Variants in RBFOX1 observed in about 807,000 individuals in gnomAD.
RBFOX1 encodes the protein RNA binding protein fox-1 homolog 1.
RBFOX1 carries 8 observed loss-of-function variants against 57.7 expected under a neutral mutation model. The ratio of observed to expected loss-of-function variants is 0.14; its 90% CI spans 0.08 to 0.25. RBFOX1 has a LOEUF of 0.25. Ranked by LOEUF, RBFOX1 falls within the 10% of genes least tolerant of loss-of-function variation. The pLI is 1.00. For missense variants in RBFOX1, 611 were observed against 548.5 expected (o/e 1.11, Z -1.14); for synonymous variants, 326 against 222.4 (o/e 1.47, Z -4.15).
chr16:5,374,192 C>T (rs2065930454), intron 1 of RBFOX1, among the ~76,000 whole-genome samples: 1 of 152,252 alleles, frequency 6.6e-6, no homozygotes, highest in South Asian at 2.1e-4. Context: ...CCCACCTCGG[C>T]CTTCCAAAGT....
At chr16:6,744,614 T>C (rs1000780980) in intron 3 of RBFOX1, among the ~76,000 whole-genome samples, 18 of 151,968 alleles carry the variant, frequency 1.2e-4, no homozygotes, top group Admixed American at 7.2e-4. Context: ...AGAGAAAATC[T>C]AAATGGAAGT....
chr16:7,594,541 A>T lies in RBFOX1; in HGVS notation c.469-1008A>T, dbSNP rs144189698. ...GTACTTAGGAACAATGTCAGTGAAG[A>T]CAAAATACGGATTTTGACAATATAG... On this transcript the variant is annotated intron_variant, in intron 7 of 15. Transcript: ENST00000550418. 2.6e-3 allele frequency among the ~76,000 whole-genome samples: 394 copies of T among 152,356 alleles called. 1 individual carries two copies. The highest frequency in any genetic ancestry group is 9.1e-3 in the African/African-American group (380 of 41,578).
intron 1 of RBFOX1, among the ~76,000 whole-genome samples, chr16:6,306,216 A>T (rs1182056876): frequency 6.6e-6 from 1 of 152,134 alleles, no homozygotes; most frequent in Non-Finnish European, 1.5e-5. Flanking sequence ...ATGCAATGAC[A>T]AGGGAACCTG....
chr16:6,813,212 G>T (rs181866196), intron 3 of RBFOX1, among the ~76,000 whole-genome samples: 13 of 152,140 alleles, frequency 8.5e-5, no homozygotes, highest in Admixed American at 7.8e-4. Context: ...AGGATGATTG[G>T]CTAATTACTG....
chr16:5,830,650 T>C (rs957990918), intron 3 of RBFOX1, among the ~76,000 whole-genome samples: 4 of 152,144 alleles, frequency 2.6e-5, no homozygotes, highest in African/African-American at 9.7e-5. Flanking sequence ...GCAGCTAGGA[T>C]GATCTTTGAG....
chr16:6,442,059 C>A (rs1344086111), intron 2 of RBFOX1, among the ~76,000 whole-genome samples: 1 of 152,158 alleles, frequency 6.6e-6, no homozygotes, highest in Non-Finnish European at 1.5e-5. Context: ...TTCTTCCAAG[C>A]CCTTAACTCT....
intron 1 of RBFOX1, among the ~76,000 whole-genome samples, chr16:5,257,274 C>G (rs1228167379): frequency 6.6e-6 from 1 of 152,190 alleles, no homozygotes; most frequent in African/African-American, 2.4e-5. Flanking sequence ...ATCTTTACAA[C>G]TAAGACAGCT....
At chr16:6,858,958 G>T (rs1006576762) in intron 3 of RBFOX1, among the ~76,000 whole-genome samples, 2 of 151,408 alleles carry the variant, frequency 1.3e-5, no homozygotes, top group African/African-American at 2.4e-5. Flanking sequence ...GTCAATCAAA[G>T]GTAGGTAAAA....
At chr16:6,619,865 C>G (rs577181508) in intron 2 of RBFOX1, among the ~76,000 whole-genome samples, 4 of 152,222 alleles carry the variant, frequency 2.6e-5, no homozygotes, top group African/African-American at 7.2e-5. Flanking sequence ...CTCCCACCCT[C>G]CACCCTACAA....
intron 1 of RBFOX1, among the ~76,000 whole-genome samples, chr16:6,197,733 C>T (rs761236916): frequency 5.9e-5 from 9 of 151,316 alleles, no homozygotes; most frequent in Non-Finnish European, 1.0e-4. Flanking sequence ...CAGATTATTG[C>T]GTCACCCAGG....
chr16:7,117,303 A>T (rs931350255), intron 4 of RBFOX1, among the ~76,000 whole-genome samples: 3 of 152,088 alleles, frequency 2.0e-5, no homozygotes, highest in African/African-American at 7.2e-5. Flanking sequence ...TAATTAGAAA[A>T]TTTTCAGAAT....
intron 3 of RBFOX1, among the ~76,000 whole-genome samples, chr16:5,707,838 G>A (rs980455575): frequency 5.3e-5 from 8 of 152,216 alleles, no homozygotes; most frequent in Non-Finnish European, 1.0e-4. Flanking sequence ...AGGAAGTAGA[G>A]TAGTAGTTAA....
In RBFOX1 at chr16:6,133,679, C is replaced by T. The variant is rs117047074; in HGVS notation, c.-127+113687C>T. 1.2e-3 allele frequency among the ~76,000 whole-genome samples: 181 copies of T among 152,244 alleles called. 1 individual carries two copies. The East Asian group carries it at 0.023, about 20-fold the overall frequency. ...ATAAAGGCCCAAGTCTTTAATGTGCCACATAGGACGCCATCTCTGCATCCT... is the reference window on the plus strand; with the variant it reads ...ATAAAGGCCCAAGTCTTTAATGTGCTACATAGGACGCCATCTCTGCATCCT... On this transcript the variant is annotated intron_variant, in intron 1 of 15. Transcript: ENST00000550418.
intron 4 of RBFOX1, among the ~76,000 whole-genome samples, chr16:7,092,158 A>G (rs546586016): frequency 6.6e-6 from 1 of 152,226 alleles, no homozygotes; most frequent in Admixed American, 6.5e-5. Flanking sequence ...TCTTTTCTCA[A>G]TTTGAATATA....
chr16:5,347,609 C>T (rs937390114), intron 1 of RBFOX1, among the ~76,000 whole-genome samples: 2 of 149,050 alleles, frequency 1.3e-5, no homozygotes, highest in Admixed American at 6.7e-5. Flanking sequence ...CCCACCCATG[C>T]TCCCATCCCC....
intron 4 of RBFOX1, among the ~76,000 whole-genome samples, chr16:7,463,360 T>C (rs948216906): frequency 2.6e-5 from 4 of 152,120 alleles, no homozygotes; most frequent in Non-Finnish European, 5.9e-5. Flanking sequence ...AAAAATTAGC[T>C]GGGTGTGATT....
chr16:6,731,383 G>A (rs756956012), intron 3 of RBFOX1, among the ~76,000 whole-genome samples: 2 of 152,074 alleles, frequency 1.3e-5, no homozygotes, highest in African/African-American at 4.8e-5. Flanking sequence ...TTTAGAAACA[G>A]GGGATCAGTG....
chr16:6,739,223 T>C (rs2071328247), intron 3 of RBFOX1, among the ~76,000 whole-genome samples: 1 of 149,786 alleles, frequency 6.7e-6, no homozygotes, highest in African/African-American at 2.5e-5. Flanking sequence ...ATGGCAAACT[T>C]CTAGTAGGGA....
At position 5,907,396 on chromosome 16, in the gene RBFOX1, C is replaced by G. The variant is rs891987990; in HGVS notation, c.351+40061C>G. On this transcript the variant is annotated intron_variant, in intron 4 of 19. Coordinates refer to the RBFOX1 transcript ENST00000641259. ...ACTTCTCCATCCAAAACCATTCTCCCAGAGTCATGCTGCTTTTTTTCAGAG... is the reference window on the plus strand; with the variant it reads ...ACTTCTCCATCCAAAACCATTCTCCGAGAGTCATGCTGCTTTTTTTCAGAG... 2.6e-5 allele frequency among the ~76,000 whole-genome samples: 4 copies of G among 152,084 alleles called. No homozygotes were observed. In the South Asian group the frequency reaches 8.3e-4, roughly 32 times the overall value.
Sources: allele counts gnomAD v4.1 joint callset (sites outside exome capture counted in the v4.1 genomes callset), GRCh38; gene constraint gnomAD v4.1.1; transcripts MANE v1.5; gene names NCBI Gene and HGNC (gene_info 2026-07-23, HGNC 2026-07-21).